The following ATXN2 variants were observed in gnomAD, a reference collection of about 807,000 sequenced individuals.
ATXN2 encodes ataxin 2.
A neutral mutation model predicts 138.6 loss-of-function variants in ATXN2; 37 were observed. The ratio of observed to expected loss-of-function variants is 0.27; its 90% CI spans 0.21 to 0.35. ATXN2 has a LOEUF of 0.35. ATXN2 is among the 10% of genes least tolerant of loss of function. ATXN2 has a pLI of 1.00. For synonymous variants in ATXN2, 549 were observed against 543.7 expected (o/e 1.01, Z -0.13); for missense variants, 1,216 against 1,480.3 (o/e 0.82, Z 2.93).
chr12:111,454,019 C>A, intron 23 of ATXN2, 174 bp from the exon 24 acceptor site: 1 of 641,690 alleles, frequency 1.6e-6, no homozygotes, highest in Non-Finnish European at 2.6e-6. Flanking sequence ...CCTGAAGACG[C>A]GCTTCACCTT....
chr12:111,571,520 AG>A (rs1268947203), intron 1 of ATXN2, among the ~76,000 whole-genome samples: 3 of 152,116 alleles, frequency 2.0e-5, no homozygotes, highest in Non-Finnish European at 2.9e-5. Flanking sequence ...ACAATGATGG[AG>A]GAGCAAGCAA....
intron 9 of ATXN2, among the ~76,000 whole-genome samples, chr12:111,517,494 T>C (rs1353518289): frequency 2.6e-5 from 4 of 152,162 alleles, no homozygotes; most frequent in Non-Finnish European, 5.9e-5. Context: ...TCCACTCTTT[T>C]CCCACAAAGT....
chr12:111,520,801 C>A, intron 7 of ATXN2, 81 bp downstream of exon 7: 1 of 746,940 alleles, frequency 1.3e-6, no homozygotes, highest in Non-Finnish European at 2.1e-6. Context: ...TAAAAACTAA[C>A]AAACATTTAT....
At chr12:111,506,782 G>A (rs1374394596) in intron 14 of ATXN2, among the ~76,000 whole-genome samples, 1 of 152,134 alleles carries the variant, frequency 6.6e-6, no homozygotes, top group African/African-American at 2.4e-5. Flanking sequence ...TCCTGCCTCA[G>A]CCTGCCTAGT....
intron 18 of ATXN2, among the ~76,000 whole-genome samples, chr12:111,484,437 T>C (rs1256847080): frequency 1.3e-5 from 2 of 152,076 alleles, no homozygotes; most frequent in African/African-American, 4.8e-5. Flanking sequence ...GTTTTTTGTT[T>C]GTTTGTTTGT....
chr12:111,587,984 A>G (rs1884430353), intron 1 of ATXN2, among the ~76,000 whole-genome samples: 1 of 152,006 alleles, frequency 6.6e-6, no homozygotes, highest in South Asian at 2.1e-4. Context: ...ACTCGAGGCC[A>G]TGAGTTCAAG....
At chr12:111,508,173 C>G (rs1012327334) in intron 14 of ATXN2, among the ~76,000 whole-genome samples, 1 of 150,118 alleles carries the variant, frequency 6.7e-6, no homozygotes, top group African/African-American at 2.5e-5. Flanking sequence ...AAAAAAAAGA[C>G]TTTATAGCAA....
chr12:111,503,550 TA>T (rs531648651), intron 14 of ATXN2, among the ~76,000 whole-genome samples: 114 of 152,264 alleles, frequency 7.5e-4, no homozygotes, highest in African/African-American at 2.6e-3. Context: ...TTCACTCTTT[TA>T]TTTTTTTTTA....
chr12:111,571,840 C>T (rs557888932), intron 1 of ATXN2, among the ~76,000 whole-genome samples: 4 of 151,442 alleles, frequency 2.6e-5, no homozygotes, highest in Admixed American at 2.0e-4. Context: ...GGCGAAACCC[C>T]ATCTTTACTA....
Position 111,598,129 on chromosome 12 carries a change from C to T in ATXN2, c.251+655G>A, listed in dbSNP as rs1885031579. ...TTCAGGGGAGTTCGGGAGCCCCCGC[C>T]GCCGCCTCGGACACGAACGCAGAGG... On this transcript the variant is annotated intron_variant, in intron 1 of 24. Transcript: ENST00000673436. This position sits in a 1 kb window ranked among gnomAD's most constrained non-coding sequence, Gnocchi z 4.5. 4.5e-6 allele frequency: 5 copies of T among 1,108,606 alleles called. No individual in the cohort carries two copies. In the South Asian group the frequency reaches 8.8e-5, roughly 20 times the overall value. The allele number at this position is 1,108,606 out of a possible 1,614,324, so 68.7% of individuals were successfully genotyped here. A position where few individuals can be genotyped will look rare whatever the true frequency, so the allele number is the denominator to read the frequency against.
At chr12:111,560,855 C>A (rs1356867279) in intron 1 of ATXN2, among the ~76,000 whole-genome samples, 1 of 151,812 alleles carries the variant, frequency 6.6e-6, no homozygotes, top group East Asian at 1.9e-4. Context: ...AGATGTCTGA[C>A]TTAATAAGAA....
chr12:111,510,637 A>G (rs1879452794), intron 11 of ATXN2, 55 bp from the exon 12 acceptor site: 1 of 1,479,330 alleles, frequency 6.8e-7, no homozygotes. Context: ...GTTACTTCCT[A>G]AAAGAGGCTT....
chr12:111,566,448 GAA>G (rs112642968), intron 1 of ATXN2, among the ~76,000 whole-genome samples: 3 of 130,146 alleles, frequency 2.3e-5, no homozygotes, highest in African/African-American at 8.1e-5. Context: ...CAAAAAAAAA[GAA>G]AAAAAAAAAA....
intron 1 of ATXN2, among the ~76,000 whole-genome samples, chr12:111,591,744 G>A (rs528290093): frequency 2.9e-4 from 44 of 151,576 alleles, no homozygotes; most frequent in Non-Finnish European, 6.0e-4. Context: ...CCATTTTTAA[G>A]ATTTAGGATT....
chr12:111,575,143 T>C (rs1227342804), intron 1 of ATXN2, among the ~76,000 whole-genome samples: 1 of 152,108 alleles, frequency 6.6e-6, no homozygotes, highest in African/African-American at 2.4e-5. Context: ...TTCTCAAACA[T>C]ACTTATTTCT....
rs2135862028 is a variant in ATXN2, at chr12:111,598,581, G to C, written c.251+203C>G. ...GGGGCGGGGATGCTGCGGGAGGCTG[G>C]ACAGGCCTGACAATCCCAGAGGACC... On this transcript the variant is annotated intron_variant, in intron 1 of 24. Transcript: ENST00000673436. This position sits in a 1 kb window ranked among gnomAD's most constrained non-coding sequence, Gnocchi z 4.5. 4 of 983,490 alleles carry C rather than the reference G, an allele frequency of 4.1e-6. No individual in the cohort carries two copies. In the South Asian group the frequency reaches 1.4e-4, roughly 35 times the overall value. 60.9% of individuals were successfully genotyped at this position (983,490 alleles called of 1,614,324 possible).
At position 111,456,055 on chromosome 12, in the gene ATXN2, G is replaced by C; in HGVS notation, c.3244C>G (p.Pro1082Ala). The C allele has an allele frequency of 6.2e-7, 1 of 1,614,194 alleles. No homozygotes were observed. Among genetic ancestry groups the C allele is most frequent in the South Asian group, 1.1e-5 (1 of 91,080 alleles). Reference sequence around the variant, plus strand: ...TGAGGTACGTGGGCCATGTGGGGTGGGTTGGTATACGCCGGCTGAACGTGA... The same window carrying C: ...TGAGGTACGTGGGCCATGTGGGGTGCGTTGGTATACGCCGGCTGAACGTGA... ...PSHVQPAYTN[P>A]PHMAHVPQAH... Residue 1082 changes from proline to alanine, a missense_variant, in exon 23 of 25, where the codon CCA becomes GCA. Pro to Ala is a conservative substitution (Grantham distance 27). Transcript: ENST00000673436.
chr12:111,581,562 T>C, intron 1 of ATXN2: 1 of 905,300 alleles, frequency 1.1e-6, no homozygotes, highest in South Asian at 1.3e-5. Flanking sequence ...GTCTGGTCCC[T>C]GTTCAACACC....
intron 1 of ATXN2, among the ~76,000 whole-genome samples, chr12:111,556,753 T>G (rs982188968): frequency 6.6e-6 from 1 of 151,032 alleles, no homozygotes; most frequent in African/African-American, 2.4e-5. Flanking sequence ...GAGGTGGAGG[T>G]TGCAGTGAGC....
Sources: gnomAD v4.1 joint callset for allele counts (sites outside exome capture counted in the v4.1 genomes callset) on GRCh38, gnomAD v4.1.1 for gene constraint, Gnocchi (gnomAD v3.1) non-coding constraint, MANE v1.5 for transcripts, NCBI Gene and HGNC (gene_info 2026-07-23, HGNC 2026-07-21) for gene names.